Variants in HHAT observed in about 807,000 individuals in gnomAD.
The protein encoded by HHAT is hedgehog acyltransferase.
HHAT carries 47 observed loss-of-function variants against 70.8 expected under a neutral mutation model. The observed-to-expected ratio is 0.66, with a 90% CI of 0.53 to 0.85. HHAT has a LOEUF of 0.85. Among genes scored for constraint, HHAT ranks in the 40% least tolerant of loss-of-function variants. HHAT has a pLI of 0.00. For missense variants in HHAT, 609 were observed against 604.8 expected, an observed-to-expected ratio of 1.01 and a Z score of -0.07; for synonymous variants, 228 against 247.6, an observed-to-expected ratio of 0.92 and a Z score of 0.74.
At chr1:210,440,618 A>C (rs1295160983) in intron 7 of HHAT, among the ~76,000 whole-genome samples, 1 of 151,704 alleles carries the variant, frequency 6.6e-6, no homozygotes, top group Non-Finnish European at 1.5e-5. Context: ...TATTCCCCAT[A>C]ATAGTGTTTT....
intron 6 of HHAT, among the ~76,000 whole-genome samples, chr1:210,414,698 C>T (rs2148257961): frequency 6.6e-6 from 1 of 152,184 alleles, no homozygotes; most frequent in Admixed American, 6.5e-5. Flanking sequence ...ATTGTAAGAT[C>T]ACATTACTTT....
intron 9 of HHAT, among the ~76,000 whole-genome samples, chr1:210,541,083 C>T (rs184415289): frequency 9.3e-4 from 142 of 152,272 alleles, no homozygotes; most frequent in African/African-American, 1.1e-3. Flanking sequence ...TCAGGCAATA[C>T]GCCTGCCTCG....
chr1:210,442,569 T>A (rs1336668685), intron 7 of HHAT, among the ~76,000 whole-genome samples: 1 of 152,000 alleles, frequency 6.6e-6, no homozygotes, highest in Non-Finnish European at 1.5e-5. Flanking sequence ...GGTATCTCAT[T>A]GTGGTTTTGA....
chr1:210,397,590 G>A (rs2091861532), intron 4 of HHAT, among the ~76,000 whole-genome samples: 1 of 150,760 alleles, frequency 6.6e-6, no homozygotes, highest in African/African-American at 2.4e-5. Context: ...AAAAAATTCT[G>A]GCCTGGTTGA....
At chr1:210,482,285 C>T (rs916344432) in intron 8 of HHAT, among the ~76,000 whole-genome samples, 59 of 152,286 alleles carry the variant, frequency 3.9e-4, no homozygotes, top group Middle Eastern at 3.4e-3. Flanking sequence ...ACTCAGCCAC[C>T]TTTCTGGAAC....
At chr1:210,610,077 A>G (rs145252599) in intron 10 of HHAT, among the ~76,000 whole-genome samples, 1 of 152,140 alleles carries the variant, frequency 6.6e-6, no homozygotes, top group Non-Finnish European at 1.5e-5. Context: ...TAGGTCTTTG[A>G]GGAATTGCCA....
intron 1 of HHAT, among the ~76,000 whole-genome samples, chr1:210,346,253 C>T (rs2086515609): frequency 6.6e-6 from 1 of 152,084 alleles, no homozygotes. Context: ...AAATTTCAGT[C>T]GCCCAATTAG....
chr1:210,350,891 T>TA (rs1347053916), intron 2 of HHAT, among the ~76,000 whole-genome samples: 2 of 152,210 alleles, frequency 1.3e-5, no homozygotes, highest in African/African-American at 4.8e-5. Flanking sequence ...GTGGGTTTTT[T>TA]ATGGATGCTT....
rs75164960 is a variant in HHAT, at chr1:210,395,171, G to A, written c.274-5297G>A. On this transcript the variant is annotated intron_variant, in intron 4 of 11. Transcript: ENST00000261458. ...GCAAAAAGAATTAATAGGCAGGGAC[G>A]TCTGATAATGTTGCCAACAGGAATT... Among the ~76,000 whole-genome samples, 11 of 152,198 alleles carry A rather than the reference G, an allele frequency of 7.2e-5. No homozygotes were observed. In the East Asian group the frequency reaches 1.4e-3, roughly 19 times the overall value.
chr1:210,404,094 G>A (rs1232583533), intron 5 of HHAT, among the ~76,000 whole-genome samples: 2 of 152,178 alleles, frequency 1.3e-5, no homozygotes, highest in Non-Finnish European at 2.9e-5. Flanking sequence ...CTGAATTGTT[G>A]AAGAAGCTGT....
intron 3 of HHAT, among the ~76,000 whole-genome samples, chr1:210,380,926 T>C (rs2148115451): frequency 6.6e-6 from 1 of 152,178 alleles, no homozygotes; most frequent in Non-Finnish European, 1.5e-5. Flanking sequence ...TGCATGAGTC[T>C]CACTGAGAAG....
intron 7 of HHAT, among the ~76,000 whole-genome samples, chr1:210,431,144 C>T (rs554060507): frequency 8.6e-5 from 13 of 151,934 alleles, no homozygotes; most frequent in African/African-American, 3.2e-4. Flanking sequence ...TTTATTTCTG[C>T]CAGGTGCTTG....
At chr1:210,557,906 G>A (rs1257110271) in intron 9 of HHAT, among the ~76,000 whole-genome samples, 1 of 152,120 alleles carries the variant, frequency 6.6e-6, no homozygotes, top group African/African-American at 2.4e-5. Flanking sequence ...GGAGTATGTG[G>A]GTGGAGCAGG....
At chr1:210,487,212 A>G (rs1171400125) in intron 8 of HHAT, among the ~76,000 whole-genome samples, 2 of 152,186 alleles carry the variant, frequency 1.3e-5, no homozygotes, top group African/African-American at 4.8e-5. Flanking sequence ...CAGAGTGAGG[A>G]GCTCAGGAGC....
rs71571956 is a variant in HHAT at position 210,545,436 on chromosome 1, C to CTTT, written c.1043+32263_1043+32265dup. On this transcript the variant is annotated intron_variant, in intron 9 of 11. Transcript: ENST00000261458. The stretch of plus-strand genomic sequence containing the variant: ...ATTTAGTCATGACTTCTTTTTTTTC[C>CTTT]TTTTTTTTTTTTTTTTTGAGATCAG... 1.8e-3 allele frequency among the ~76,000 whole-genome samples: 229 copies of CTTT among 127,184 alleles called. 3 individuals are homozygous for CTTT. The highest frequency in any genetic ancestry group is 0.013 in the South Asian group (51 of 3,958). 83.4% of individuals were successfully genotyped at this position (127,184 alleles called of 152,430 possible). A position where few individuals can be genotyped will look rare whatever the true frequency, so the allele number is the denominator to read the frequency against.
rs192349740 is a variant in HHAT, at chr1:210,475,985, C to G, written c.1007+11330C>G. On this transcript the variant is annotated intron_variant, in intron 8 of 11. Coordinates refer to ENST00000261458, the MANE Select transcript of HHAT (RefSeq NM_018194.6). ...CACTGATATGTCCCAGATCACAGAG[C>G]TGGTATGTGCTAACTGCATTTAAAT... Among the ~76,000 whole-genome samples, 203 of 152,320 alleles carry G rather than the reference C, an allele frequency of 1.3e-3. 1 individual carries two copies. Among genetic ancestry groups the G allele is most frequent in the Non-Finnish European group, 2.3e-3 (154 of 68,018 alleles).
intron 3 of HHAT, among the ~76,000 whole-genome samples, chr1:210,386,141 T>C (rs2091021746): frequency 6.6e-6 from 1 of 151,072 alleles, no homozygotes; most frequent in South Asian, 2.1e-4. Flanking sequence ...TTTCTTCAAA[T>C]CCAATTAAGA....
At chr1:210,659,115 C>CA (rs1677094283) in intron 11 of HHAT, among the ~76,000 whole-genome samples, 1 of 151,996 alleles carries the variant, frequency 6.6e-6, no homozygotes, top group African/African-American at 2.4e-5. Context: ...GATAGAGACA[C>CA]AAAAAACCCT....
chr1:210,515,105 G>A (rs1410435499), intron 9 of HHAT, among the ~76,000 whole-genome samples: 1 of 152,222 alleles, frequency 6.6e-6, no homozygotes. Context: ...AACTGGGAGG[G>A]TAAGGCTTCT....
Sources: gnomAD v4.1 joint callset for allele counts (sites outside exome capture counted in the v4.1 genomes callset) on GRCh38, gnomAD v4.1.1 for gene constraint, MANE v1.5 for transcripts, NCBI Gene and HGNC (gene_info 2026-07-23, HGNC 2026-07-21) for gene names.